Variants in ZNF43 observed in about 807,000 individuals in gnomAD.
ZNF43 encodes the protein zinc finger protein 43, also known as zinc finger protein 39-like 1 (KOX 27).
Under a neutral mutation model 68.4 loss-of-function variants are expected in ZNF43, and 44 were observed. The ratio of observed to expected loss-of-function variants is 0.64; its 90% confidence interval spans 0.51 to 0.83. ZNF43 has a LOEUF of 0.83. ZNF43 is among the 40% of genes least tolerant of loss of function. The pLI, the probability that ZNF43 is intolerant of heterozygous loss-of-function variation, is 0.00. For synonymous variants in ZNF43, 308 were observed against 307.8 expected, an observed-to-expected ratio of 1.00 and a Z score of -0.01; for missense variants, 896 against 933.2, an observed-to-expected ratio of 0.96 and a Z score of 0.52.
Position 21,809,660 on chromosome 19 carries a change from A to G in ZNF43, c.377T>C (p.Val126Ala). ...KDHKSVDECK[V>A]HRGGYNGFNQ... ...AAATCCATTATAACCTCCTCTGTGC[A>G]CCTTACACTCATCCACACTTTTATG... is the stretch of plus-strand genomic sequence containing the variant. The change falls in exon 4 of 4, where the codon GTG becomes GCG. Residue 126 changes from valine (V) to alanine (A), a missense_variant. Transcript: ENST00000354959. 6.2e-7 allele frequency: 1 copy of G among 1,613,434 alleles called. No individual in the cohort carries two copies. Among genetic ancestry groups the G allele is most frequent in the South Asian group, 1.1e-5 (1 of 90,994 alleles).
rs1350141896 is a variant in ZNF43, at chr19:21,808,023, G to A, written c.2014C>T (p.His672Tyr). The A allele has an allele frequency of 6.2e-7, 1 of 1,612,820 alleles. No homozygotes were observed. The highest frequency in any genetic ancestry group is 2.2e-5 in the East Asian group (1 of 44,840). The change falls in exon 4 of 4, where the codon CAT becomes TAT. Residue 672 changes from histidine to tyrosine, a missense_variant. Transcript: ENST00000354959. Reference sequence around the variant, plus strand: ...CATTTGTAGGGTTTCTCTCCAGTATGAATTATCTTATGTTTAGTAAGGGTT... The same window carrying A: ...CATTTGTAGGGTTTCTCTCCAGTATAAATTATCTTATGTTTAGTAAGGGTT... ...SSTLTKHKII[H>Y]TGEKPYKCEE... is the part of the protein sequence containing the mutation.
chr19:21,841,541 T>G (rs573585253), intron 1 of ZNF43: 1 of 152,356 alleles, frequency 6.6e-6, no homozygotes, highest in Admixed American at 6.5e-5. Context: ...CAACACAATC[T>G]TTCTCTGGGC....
At chr19:21,814,469 G>A (rs753450636) in intron 3 of ZNF43, among the ~76,000 whole-genome samples, 6 of 150,444 alleles carry the variant, frequency 4.0e-5, no homozygotes, top group Non-Finnish European at 8.8e-5. Context: ...GGAGTGCAAC[G>A]GCACGATCTG....
At chr19:21,835,827 G>C (rs1043722630) in intron 1 of ZNF43, among the ~76,000 whole-genome samples, 2 of 152,226 alleles carry the variant, frequency 1.3e-5, no homozygotes, top group African/African-American at 4.8e-5. Flanking sequence ...CCCACAGAGG[G>C]CTGCAGGCCG....
chr19:21,809,272 G>A lies in ZNF43; in HGVS notation c.765C>T (p.Tyr255=). The change falls in exon 4 of 4, where the codon TAC becomes TAT. Residue 255 remains tyrosine, a synonymous_variant. Transcript: ENST00000354959. The part of the protein sequence containing the change: ...LTTHKKNYTR[Y]KLYKCEECGK... ...CACATTCTTCACATTTGTAGAGTTT[G>A]TATCTAGTATAATTTTTTTTATGTG... The A allele has an allele frequency of 6.2e-7, 1 of 1,612,286 alleles. No homozygotes were observed. The highest frequency in any genetic ancestry group is 8.5e-7 in the Non-Finnish European group (1 of 1,179,540).
intron 1 of ZNF43, among the ~76,000 whole-genome samples, chr19:21,847,916 C>T (rs540951891): frequency 9.2e-5 from 14 of 151,994 alleles, no homozygotes; most frequent in Non-Finnish European, 1.9e-4. Flanking sequence ...CTGCAACCTC[C>T]ATGTCCCGCA....
intron 3 of ZNF43, among the ~76,000 whole-genome samples, chr19:21,812,532 A>ATG (rs1414768164): frequency 4.4e-4 from 60 of 136,450 alleles, no homozygotes; most frequent in South Asian, 9.1e-4. Flanking sequence ...TTAAAAAGAC[A>ATG]CAAAATTACA....
Position 21,809,466 on chromosome 19 carries a change from G to C in ZNF43, c.571C>G (p.Gln191Glu), listed in dbSNP as rs1372513947. The part of the protein sequence containing the change: ...KSFCMLPHLA[Q>E]HKIIHTRVNF... The stretch of plus-strand genomic sequence containing the variant: ...ACTCTGGTATGAATTATTTTATGTT[G>C]AGCTAGATGTGGAAGCATGCAAAAT... The change falls in exon 4 of 4, where the codon CAA becomes GAA. Residue 191 changes from glutamine (Q) to glutamate (E), a missense_variant. By Grantham distance (29) the Gln-to-Glu change is conservative. Transcript: ENST00000354959. 7 of 1,613,594 alleles carry C rather than the reference G, an allele frequency of 4.3e-6. No individual in the cohort carries two copies. The highest frequency in any genetic ancestry group is 5.9e-6 in the Non-Finnish European group (7 of 1,179,834).
In ZNF43 at chr19:21,808,959, G is replaced by A. The variant is rs747050303; in HGVS notation, c.1078C>T (p.His360Tyr). The A allele has an allele frequency of 5.0e-6, 8 of 1,613,484 alleles. No individual in the cohort carries two copies. Among genetic ancestry groups the A allele is most frequent in the Non-Finnish European group, 6.8e-6 (8 of 1,179,880 alleles). ...TTCTCTGCAGTATGGATTCTCTTAT[G>A]TGTAGTAAGGTTTGAGAACTGGTTA... ...AFNQFSNLTTHKRIHTAEKFY... is the reference protein window; with the variant it reads ...AFNQFSNLTTYKRIHTAEKFY... Residue 360 changes from histidine to tyrosine, a missense_variant, in exon 4 of 4, where the codon CAT (histidine) becomes TAT (tyrosine). His to Tyr is a moderately conservative substitution (Grantham distance 83, BLOSUM62 2). Transcript: ENST00000354959.
chr19:21,808,381 G>A lies in ZNF43; in HGVS notation c.1656C>T (p.Ile552=). 1 of 1,611,650 alleles carries A rather than the reference G, an allele frequency of 6.2e-7. No individual in the cohort carries two copies. The highest frequency in any genetic ancestry group is 1.7e-4 in the Middle Eastern group (1 of 6,050). The change falls in exon 4 of 4, where the codon ATC becomes ATT. Residue 552 remains isoleucine (I), a synonymous_variant. Transcript: ENST00000354959. ...ECGKAFNHFS[I]LTKHKRIHTG... is the part of the protein sequence containing the mutation. ...TATGAATCCTCTTATGTTTGGTAAGGATTGAGAAATGGTTAAAAGCTTTGC... is the reference window on the plus strand; with the variant it reads ...TATGAATCCTCTTATGTTTGGTAAGAATTGAGAAATGGTTAAAAGCTTTGC...
chr19:21,849,967 T>G (rs1968235792), intron 1 of ZNF43: 1 of 152,192 alleles, frequency 6.6e-6, no homozygotes, highest in South Asian at 2.1e-4. Context: ...CAGGAATATG[T>G]CACAGTCTTT....
intron 1 of ZNF43, among the ~76,000 whole-genome samples, chr19:21,822,225 A>G (rs1367803259): frequency 6.6e-6 from 1 of 152,284 alleles, no homozygotes; most frequent in Non-Finnish European, 1.5e-5. Flanking sequence ...TAATGGAAAT[A>G]TGGGCCACAC....
chr19:21,841,946 G>C (rs761114363), intron 1 of ZNF43, among the ~76,000 whole-genome samples: 2 of 152,172 alleles, frequency 1.3e-5, no homozygotes, highest in African/African-American at 4.8e-5. Context: ...ATTGAAATAT[G>C]GCAGGGTCCA....
upstream of ZNF43, among the ~76,000 whole-genome samples, chr19:21,839,202 T>C (rs539598705): frequency 6.6e-6 from 1 of 151,838 alleles, no homozygotes; most frequent in East Asian, 1.9e-4. Flanking sequence ...AGTCACAACA[T>C]TTAAGTGATG....
At chr19:21,837,227 C>T (rs142224548), upstream of ZNF43, among the ~76,000 whole-genome samples, 1,606 of 152,004 alleles carry the variant, frequency 0.011, 15 homozygotes, top group Non-Finnish European at 0.016. Flanking sequence ...GAAATATAAA[C>T]TGGGCAAACT....
chr19:21,815,231 AAAG>A (rs2037464178), intron 3 of ZNF43, among the ~76,000 whole-genome samples: 1 of 152,110 alleles, frequency 6.6e-6, no homozygotes, highest in Admixed American at 6.5e-5. Context: ...ATGCACCATT[AAAG>A]AAGAATTTGT....
intron 1 of ZNF43, among the ~76,000 whole-genome samples, chr19:21,825,530 C>T (rs2038074652): frequency 1.3e-5 from 2 of 151,818 alleles, no homozygotes; most frequent in South Asian, 4.1e-4. Context: ...TTTTATTTCT[C>T]AAATCTCAAA....
At chr19:21,844,698 C>G (rs1279839857) in intron 1 of ZNF43, among the ~76,000 whole-genome samples, 1 of 150,988 alleles carries the variant, frequency 6.6e-6, no homozygotes, top group Non-Finnish European at 1.5e-5. Flanking sequence ...GAGATCGAGA[C>G]CATCCTGGCT....
At chr19:21,822,323 G>A (rs1187822979) in intron 1 of ZNF43, among the ~76,000 whole-genome samples, 1 of 82,948 alleles carries the variant, frequency 1.2e-5, no homozygotes, top group African/African-American at 4.5e-5. Flanking sequence ...TATGTATCTT[G>A]AACCTTTTAT....
Sources: allele counts gnomAD v4.1 joint callset (sites outside exome capture counted in the v4.1 genomes callset), GRCh38; gene constraint gnomAD v4.1.1; transcripts MANE v1.5; gene names NCBI Gene and HGNC (gene_info 2026-07-23, HGNC 2026-07-21).